Variants in MLLT10 observed in about 807,000 individuals in gnomAD.
The protein encoded by MLLT10 is MLLT10 histone lysine methyltransferase DOT1L cofactor, also known as protein AF-10.
In MLLT10, 30 loss-of-function variants were observed where a neutral mutation model predicts 129.1. The observed-to-expected ratio is 0.23, with a 90% CI of 0.17 to 0.32. The LOEUF (loss-of-function observed/expected upper bound fraction) is 0.32. Ranked by LOEUF, MLLT10 falls within the 10% of genes least tolerant of loss-of-function variation. The pLI is 1.00. For synonymous variants in MLLT10, 490 were observed against 446.4 expected (o/e 1.10, Z -1.23); for missense variants, 1,119 against 1,268.3 (o/e 0.88, Z 1.79).
At chr10:21,700,133 T>C (rs2054769523) in intron 13 of MLLT10, among the ~76,000 whole-genome samples, 1 of 151,330 alleles carries the variant, frequency 6.6e-6, no homozygotes, top group South Asian at 2.1e-4. Flanking sequence ...TTAAACACTA[T>C]AGTAAACAGG....
At chr10:21,553,572 C>G (rs2037427905) in intron 3 of MLLT10, among the ~76,000 whole-genome samples, 1 of 151,928 alleles carries the variant, frequency 6.6e-6, no homozygotes, top group Admixed American at 6.6e-5. Flanking sequence ...AGTGATCTAC[C>G]TGCCTCAGCC....
At chr10:21,556,729 C>A in intron 3 of MLLT10, 7 of 1,612,032 alleles carry the variant, frequency 4.3e-6, no homozygotes, top group Non-Finnish European at 5.9e-6. Context: ...CATCTCCCCA[C>A]CCCCGATGCC....
chr10:21,723,176 GATC>G (rs1200337330), intron 14 of MLLT10, among the ~76,000 whole-genome samples: 2 of 151,756 alleles, frequency 1.3e-5, no homozygotes, highest in Non-Finnish European at 2.9e-5. Context: ...TTTTTTTGAT[GATC>G]ATCATTATGC....
At chr10:21,615,272 G>A (rs2045115652) in intron 7 of MLLT10, among the ~76,000 whole-genome samples, 1 of 151,632 alleles carries the variant, frequency 6.6e-6, no homozygotes, top group Admixed American at 6.6e-5. Context: ...AGCCTGACCA[G>A]CATGGGGAAA....
At chr10:21,626,566 C>T (rs2046463565) in intron 8 of MLLT10, among the ~76,000 whole-genome samples, 1 of 152,082 alleles carries the variant, frequency 6.6e-6, no homozygotes, top group Admixed American at 6.6e-5. Context: ...CTTTTAATGG[C>T]CCCATCAGCT....
At chr10:21,603,674 C>A (rs1589181948) in intron 5 of MLLT10, among the ~76,000 whole-genome samples, 1 of 152,188 alleles carries the variant, frequency 6.6e-6, no homozygotes, top group East Asian at 1.9e-4. Context: ...TGACTTGAAG[C>A]AGCAGAAATT....
chr10:21,545,219 G>A (rs892679516), intron 3 of MLLT10, among the ~76,000 whole-genome samples: 1 of 151,394 alleles, frequency 6.6e-6, no homozygotes, highest in African/African-American at 2.4e-5. Flanking sequence ...AAGCTGCATA[G>A]AGGGAAAACA....
At chr10:21,535,440 C>A (rs1296507464) in intron 2 of MLLT10, among the ~76,000 whole-genome samples, 5 of 152,018 alleles carry the variant, frequency 3.3e-5, no homozygotes, top group Non-Finnish European at 5.9e-5. Context: ...GCTGACCATG[C>A]GGGAGTGGCG....
intron 14 of MLLT10, among the ~76,000 whole-genome samples, chr10:21,714,219 C>A (rs544418749): frequency 2.0e-5 from 3 of 152,042 alleles, no homozygotes; most frequent in Admixed American, 2.0e-4. Flanking sequence ...TTCAGGGGAG[C>A]TTTTATTCTT....
In MLLT10 at chr10:21,742,266, GT is replaced by G. The variant is rs1833774183; in HGVS notation, c.*286del. On this transcript the variant is annotated 3_prime_UTR_variant, in exon 23 of 23. Coordinates refer to ENST00000307729, the MANE Select transcript of MLLT10 (RefSeq NM_001195626.3). ...AAGTGACATAATTTACATGCAATAT[GT>G]TTATCAACTCAAGAATTTAATATAG... 2.9e-6 allele frequency: 1 copy of G among 347,554 alleles called. No individual in the cohort carries two copies. Among genetic ancestry groups the G allele is most frequent in the African/African-American group, 2.1e-5 (1 of 47,800 alleles). 21.5% of individuals were successfully genotyped at this position (347,554 alleles called of 1,614,324 possible).
chr10:21,537,165 T>G (rs1331181332), intron 2 of MLLT10, among the ~76,000 whole-genome samples: 1 of 151,920 alleles, frequency 6.6e-6, no homozygotes, highest in East Asian at 1.9e-4. Context: ...ATGAGCTGCC[T>G]TGCCTGGTCC....
rs1564725060 is a variant in MLLT10 at position 21,724,772 on chromosome 10, A to C, written c.1879-1472A>C. On this transcript the variant is annotated intron_variant, in intron 14 of 22. Coordinates refer to ENST00000307729, the MANE Select transcript of MLLT10 (RefSeq NM_001195626.3). ...GTGGGAGAGAGCATGCACATCAAAG[A>C]AAGCATTTTTATTACAGTGGATTAC... Among the ~76,000 whole-genome samples, 2 of 152,220 alleles carry C rather than the reference A, an allele frequency of 1.3e-5. 1 individual carries two copies. The highest frequency in any genetic ancestry group is 4.1e-4 in the South Asian group (2 of 4,830).
intron 13 of MLLT10, among the ~76,000 whole-genome samples, chr10:21,683,545 C>T (rs2052964349): frequency 6.6e-6 from 1 of 152,106 alleles, no homozygotes; most frequent in South Asian, 2.1e-4. Flanking sequence ...AGAAAGTAGA[C>T]ATCATGGGAG....
chr10:21,691,542 CTTTGGCTTAGGAAGCCAAAAACTTTA>C (rs1386747197), intron 13 of MLLT10, among the ~76,000 whole-genome samples: 1 of 152,002 alleles, frequency 6.6e-6, no homozygotes, highest in African/African-American at 2.4e-5. Flanking sequence ...AAGCTTATAG[CTTTGGCTTAGGAAGCCAAAAACTTTA>C]TTTCATGTTG....
chr10:21,699,617 T>G (rs1477668949), intron 13 of MLLT10, among the ~76,000 whole-genome samples: 4 of 152,148 alleles, frequency 2.6e-5, no homozygotes, highest in Non-Finnish European at 5.9e-5. Flanking sequence ...CCCAGCACCA[T>G]TTTTTGAAGA....
At chr10:21,705,807 G>C (rs1417509890) in intron 13 of MLLT10, among the ~76,000 whole-genome samples, 1 of 152,198 alleles carries the variant, frequency 6.6e-6, no homozygotes, top group Non-Finnish European at 1.5e-5. Context: ...TTAGGTCTTA[G>C]AACATGTATG....
At chr10:21,741,281 CA>C (rs1564764328) in intron 22 of MLLT10, among the ~76,000 whole-genome samples, 2 of 148,712 alleles carry the variant, frequency 1.3e-5, no homozygotes, top group Admixed American at 6.7e-5. Context: ...TTTTCCCCCC[CA>C]GTGTTTCACC....
chr10:21,728,831 C>G (rs930109024), intron 16 of MLLT10, among the ~76,000 whole-genome samples: 1 of 150,822 alleles, frequency 6.6e-6, no homozygotes, highest in Non-Finnish European at 1.5e-5. Context: ...AGTTCAAGAC[C>G]AGCCTGGGCA....
At chr10:21,561,767 C>G (rs533321126) in intron 3 of MLLT10, among the ~76,000 whole-genome samples, 1 of 152,094 alleles carries the variant, frequency 6.6e-6, no homozygotes, top group African/African-American at 2.4e-5. Context: ...TATTTCTGAA[C>G]TCTCTATTCT....
Sources: allele counts gnomAD v4.1 joint callset (sites outside exome capture counted in the v4.1 genomes callset), GRCh38; gene constraint gnomAD v4.1.1; transcripts MANE v1.5; gene names NCBI Gene and HGNC (gene_info 2026-07-23, HGNC 2026-07-21).